The following GLIS3 variants were observed in gnomAD, a reference collection of about 807,000 sequenced individuals.
The protein encoded by GLIS3 is GLIS family zinc finger 3, also known as zinc finger protein GLIS3.
Under a neutral mutation model 78.6 loss-of-function variants are expected in GLIS3, and 53 were observed. That is an observed-to-expected ratio of 0.67 (90% CI 0.54 to 0.85). The LOEUF (loss-of-function observed/expected upper bound fraction) is 0.85, where lower values mean the gene tolerates loss of function less well. GLIS3 is among the 40% of genes least tolerant of loss of function. The probability of loss-of-function intolerance (pLI) is 0.00; values close to 1 mark genes in which losing one functional copy is unlikely to be tolerated. For synonymous variants in GLIS3, 684 were observed against 509.9 expected (o/e 1.34, Z -4.60); for missense variants, 1,703 against 1,231.1 (o/e 1.38, Z -5.74).
chr9:4,487,978 C>T, the GLIS3 span, among the ~76,000 whole-genome samples: 4 of 152,172 alleles, frequency 2.6e-5, no homozygotes, highest in African/African-American at 9.7e-5. Context: ...AATTGTGAGC[C>T]AACACGCCCA....
chr9:4,298,818 G>C (rs1816846875), intron 1 of GLIS3, among the ~76,000 whole-genome samples: 1 of 152,160 alleles, frequency 6.6e-6, no homozygotes, highest in African/African-American at 2.4e-5. Context: ...GAGGAGTGTA[G>C]GTACCCTCAG....
At chr9:3,927,878 G>C (rs940881768) in intron 6 of GLIS3, among the ~76,000 whole-genome samples, 1 of 152,234 alleles carries the variant, frequency 6.6e-6, no homozygotes, top group South Asian at 2.1e-4. Flanking sequence ...TTAAATTTAA[G>C]ATGGCTTATT....
At chr9:3,866,815 A>T (rs1338605775) in intron 8 of GLIS3, among the ~76,000 whole-genome samples, 2 of 152,206 alleles carry the variant, frequency 1.3e-5, no homozygotes, top group Non-Finnish European at 2.9e-5. Flanking sequence ...TATTCCATTT[A>T]CATCTTAAAG....
intron 2 of GLIS3, among the ~76,000 whole-genome samples, chr9:4,158,640 G>GCATT (rs2131071658): frequency 6.6e-6 from 1 of 152,238 alleles, no homozygotes; most frequent in South Asian, 2.1e-4. Context: ...ATATATGATA[G>GCATT]CATTCATTCA....
intron 8 of GLIS3, among the ~76,000 whole-genome samples, chr9:3,873,550 T>C (rs1468130798): frequency 1.3e-5 from 2 of 152,194 alleles, no homozygotes; most frequent in African/African-American, 4.8e-5. Context: ...AAAAAACATA[T>C]TGTGCTTGGT....
rs573154543 is a variant in GLIS3, at chr9:3,824,733, C to T, written c.*3539G>A. 1.3e-5 allele frequency: 2 copies of T among 152,656 alleles called. No individual in the cohort carries two copies. The highest frequency in any genetic ancestry group is 2.1e-4 in the South Asian group (1 of 4,822). 9.5% of individuals were successfully genotyped at this position (152,656 alleles called of 1,614,324 possible). A position where few individuals can be genotyped will look rare whatever the true frequency, so the allele number is the denominator to read the frequency against. On this transcript the variant is annotated 3_prime_UTR_variant, in exon 11 of 11. Coordinates refer to ENST00000381971, the MANE Select transcript of GLIS3 (RefSeq NM_001042413.2). ...ATGATATATGCAGTTCATTTCTCTA[C>T]GTGAGTGTATATAACTATGTACAAG...
At chr9:4,443,476 C>G in the GLIS3 span, among the ~76,000 whole-genome samples, 1 of 152,076 alleles carries the variant, frequency 6.6e-6, no homozygotes, top group Non-Finnish European at 1.5e-5. Context: ...TAGAAGTTGA[C>G]TAGCAGAAAA....
intron 4 of GLIS3, among the ~76,000 whole-genome samples, chr9:4,048,569 G>A (rs895372673): frequency 1.3e-5 from 2 of 152,122 alleles, no homozygotes; most frequent in African/African-American, 2.4e-5. Flanking sequence ...TTTAAATTGC[G>A]TCAAATTGCT....
intron 2 of GLIS3, among the ~76,000 whole-genome samples, chr9:4,233,112 G>A (rs1822417980): frequency 2.0e-5 from 3 of 152,294 alleles, no homozygotes; most frequent in Non-Finnish European, 4.4e-5. Context: ...ATACAAAGGT[G>A]ACATCTTTGA....
intron 2 of GLIS3, among the ~76,000 whole-genome samples, chr9:4,319,898 G>C (rs911482114): frequency 6.6e-6 from 1 of 152,060 alleles, no homozygotes; most frequent in African/African-American, 2.4e-5. Flanking sequence ...TTTAGAACCA[G>C]AATTCTAATC....
chr9:4,355,197 G>C, the GLIS3 span, among the ~76,000 whole-genome samples: 1 of 152,052 alleles, frequency 6.6e-6, no homozygotes, highest in African/African-American at 2.4e-5. Context: ...AGTAGAGTTG[G>C]AAAGTGTCCT....
intron 6 of GLIS3, among the ~76,000 whole-genome samples, chr9:3,901,999 T>G (rs1197873979): frequency 6.6e-6 from 1 of 152,222 alleles, no homozygotes; most frequent in Non-Finnish European, 1.5e-5. Flanking sequence ...CTGCTTTCTA[T>G]TACCAACTAC....
intron 7 of GLIS3, among the ~76,000 whole-genome samples, chr9:3,894,118 C>T (rs1822653725): frequency 6.6e-6 from 1 of 152,212 alleles, no homozygotes; most frequent in African/African-American, 2.4e-5. Flanking sequence ...AAGTTTCCAC[C>T]TCCTTCTGAC....
intron 2 of GLIS3, among the ~76,000 whole-genome samples, chr9:4,266,742 C>G (rs1826049171): frequency 6.6e-6 from 1 of 152,110 alleles, no homozygotes; most frequent in Admixed American, 6.6e-5. Flanking sequence ...AAAAGCTATC[C>G]TGATGCAATT....
chr9:4,065,106 T>C (rs1361363769), intron 4 of GLIS3, among the ~76,000 whole-genome samples: 2 of 152,218 alleles, frequency 1.3e-5, no homozygotes, highest in East Asian at 3.8e-4. Context: ...GAGCTGGCTA[T>C]TTTTTCTTCT....
chr9:3,970,229 A>G (rs1218598693), intron 4 of GLIS3, among the ~76,000 whole-genome samples: 1 of 152,240 alleles, frequency 6.6e-6, no homozygotes, highest in Non-Finnish European at 1.5e-5. Flanking sequence ...AGGACAGTAA[A>G]CAAGACCCTC....
chr9:3,958,596 C>T (rs527775069), intron 4 of GLIS3, among the ~76,000 whole-genome samples: 2 of 152,216 alleles, frequency 1.3e-5, no homozygotes, highest in Non-Finnish European at 2.9e-5. Flanking sequence ...ACGTGTTGGG[C>T]TTCTACTCTG....
At chr9:4,447,445 C>T in the GLIS3 span, among the ~76,000 whole-genome samples, 1 of 152,148 alleles carries the variant, frequency 6.6e-6, no homozygotes, top group Admixed American at 6.6e-5. Context: ...CTCCCAACCA[C>T]AGCACCACCA....
intron 4 of GLIS3, among the ~76,000 whole-genome samples, chr9:4,025,534 C>CCTG (rs1823259612): frequency 6.6e-6 from 1 of 151,956 alleles, no homozygotes; most frequent in Non-Finnish European, 1.5e-5. Flanking sequence ...ATTACAGGCA[C>CCTG]CCACCACCAT....
Sources: allele counts gnomAD v4.1 joint callset (sites outside exome capture counted in the v4.1 genomes callset), GRCh38; gene constraint gnomAD v4.1.1; transcripts MANE v1.5; gene names NCBI Gene and HGNC (gene_info 2026-07-23, HGNC 2026-07-21).